The following PAK3 variants were observed in gnomAD, a reference collection of about 807,000 sequenced individuals.
PAK3 encodes p21 (RAC1) activated kinase 3.
PAK3 carries 4 observed loss-of-function variants against 41.0 expected under a neutral mutation model. That is an observed-to-expected ratio of 0.10 (90% CI 0.05 to 0.22). PAK3 has a LOEUF of 0.22. Among genes scored for constraint, PAK3 ranks in the 10% least tolerant of loss-of-function variants. PAK3 has a pLI of 1.00. For missense variants in PAK3, 205 were observed against 409.9 expected (o/e 0.50, Z 4.32); for synonymous variants, 146 against 139.6 (o/e 1.05, Z -0.32).
chrX:111,081,291 T>G (rs1032397437), intron 1 of PAK3, among the ~76,000 whole-genome samples: 1 of 111,322 alleles, frequency 9.0e-6, no homozygotes. Flanking sequence ...ATTCAAACTC[T>G]TGAGCTCAAG....
At chrX:111,146,308 T>G (rs1311017898) in intron 6 of PAK3, among the ~76,000 whole-genome samples, 1 of 111,590 alleles carries the variant, frequency 9.0e-6, no homozygotes, top group Non-Finnish European at 1.9e-5. Context: ...ATCCAAACTT[T>G]GAAGCATCGT....
At chrX:110,968,790 T>C (rs1477285483) in intron 1 of PAK3, among the ~76,000 whole-genome samples, 4 of 111,498 alleles carry the variant, frequency 3.6e-5, no homozygotes, top group Non-Finnish European at 7.5e-5. Context: ...TTTCTTTTCA[T>C]TCTGTTAACA....
intron 16 of PAK3, among the ~76,000 whole-genome samples, chrX:111,216,086 A>T (rs998162555): frequency 8.9e-6 from 1 of 112,301 alleles, no homozygotes; most frequent in East Asian, 2.8e-4. Context: ...CTTTAGAGAA[A>T]CAGATTTACA....
chrX:111,068,873 T>A (rs967299626), intron 1 of PAK3, among the ~76,000 whole-genome samples: 7 of 112,340 alleles, frequency 6.2e-5, no homozygotes, highest in Admixed American at 5.7e-4. Flanking sequence ...AGATATATAT[T>A]GCGTTGAGCT....
intron 1 of PAK3, among the ~76,000 whole-genome samples, chrX:111,070,002 C>T (rs1032892020): frequency 1.8e-5 from 2 of 111,510 alleles, no homozygotes; most frequent in Non-Finnish European, 3.8e-5. Context: ...CCAGATAGCC[C>T]TATGCATTGC....
chrX:111,036,982 T>A (rs1001691062), intron 1 of PAK3, among the ~76,000 whole-genome samples: 91 of 111,966 alleles, frequency 8.1e-4, no homozygotes, highest in African/African-American at 2.5e-3. Context: ...TCTCGCTCTG[T>A]CACCCAGGCA....
chrX:111,079,609 C>G (rs192664297), intron 1 of PAK3, among the ~76,000 whole-genome samples: 79 of 112,308 alleles, frequency 7.0e-4, no homozygotes, highest in Non-Finnish European at 2.1e-4. Context: ...CCTGCTAACA[C>G]AACATCTCTT....
chrX:111,110,744 A>G (rs1172780618), intron 4 of PAK3, among the ~76,000 whole-genome samples: 1 of 111,893 alleles, frequency 8.9e-6, no homozygotes, highest in Admixed American at 9.4e-5. Flanking sequence ...CTTAAAACAT[A>G]CGGAGACACT....
intron 1 of PAK3, among the ~76,000 whole-genome samples, chrX:110,946,072 G>A: frequency 9.0e-6 from 1 of 111,495 alleles, no homozygotes; most frequent in African/African-American, 3.3e-5. Flanking sequence ...TATGACAAGG[G>A]GCAGGCAGGG....
At chrX:111,211,553 G>A (rs757488032) in intron 16 of PAK3, among the ~76,000 whole-genome samples, 2 of 108,205 alleles carry the variant, frequency 1.8e-5, no homozygotes, top group Non-Finnish European at 3.8e-5. Context: ...GTGGGCGCCT[G>A]TAATCCCAGC....
At chrX:111,080,922 C>T (rs2092829366) in intron 1 of PAK3, among the ~76,000 whole-genome samples, 1 of 111,531 alleles carries the variant, frequency 9.0e-6, no homozygotes, top group African/African-American at 3.3e-5. Flanking sequence ...GTATTCCTGT[C>T]ATTTGTGACA....
intron 8 of PAK3, among the ~76,000 whole-genome samples, chrX:111,155,546 A>G (rs748300695): frequency 1.8e-5 from 2 of 110,280 alleles, no homozygotes; most frequent in South Asian, 7.9e-4. Context: ...TACATATCAT[A>G]AAATATGTTG....
intron 10 of PAK3, among the ~76,000 whole-genome samples, chrX:111,171,467 T>C (rs902995087): frequency 9.0e-6 from 1 of 111,294 alleles, no homozygotes; most frequent in African/African-American, 3.3e-5. Flanking sequence ...CTGGACCTAT[T>C]TGAACACTGC....
intron 10 of PAK3, among the ~76,000 whole-genome samples, chrX:111,164,409 G>GC (rs754122865): frequency 2.6e-3 from 284 of 109,730 alleles, no homozygotes; most frequent in Admixed American, 7.6e-3. Context: ...AGCAATAAGT[G>GC]CCCCCCCCAA....
intron 1 of PAK3, among the ~76,000 whole-genome samples, chrX:111,061,098 T>C (rs2092651873): frequency 8.9e-6 from 1 of 111,864 alleles, no homozygotes; most frequent in African/African-American, 3.2e-5. Flanking sequence ...TATTATATTC[T>C]AGATAAAAAT....
intron 1 of PAK3, among the ~76,000 whole-genome samples, chrX:111,068,194 AAAAACAGTCTCGT>A (rs2092715109): frequency 8.9e-6 from 1 of 111,739 alleles, no homozygotes; most frequent in Non-Finnish European, 1.9e-5. Flanking sequence ...TTTGACTCTT[AAAAACAGTCTCGT>A]TTTATGGATC....
In PAK3 at chrX:111,196,613, C is replaced by T; in HGVS notation, c.1380C>T (p.Pro460=). 8.3e-7 allele frequency: 1 copy of T among 1,198,432 alleles called. No individual in the cohort carries two copies. Among genetic ancestry groups the T allele is most frequent in the Non-Finnish European group, 1.1e-6 (1 of 883,935 alleles). The change falls in exon 16 of 18, where the codon CCC becomes CCT. Residue 460 remains proline (P), a synonymous_variant. Coordinates refer to ENST00000372007, the MANE Select transcript of PAK3 (RefSeq NM_002578.5). ...CAATTGAAATGGTGGAAGGTGAACC[C>T]CCTTACCTTAATGAAAATCCACTCA... ...IMAIEMVEGE[P]PYLNENPLRA...
At chrX:111,182,582 G>A (rs2094472337) in intron 11 of PAK3, among the ~76,000 whole-genome samples, 1 of 110,829 alleles carries the variant, frequency 9.0e-6, no homozygotes, top group South Asian at 3.8e-4. Context: ...CCAGAACTCT[G>A]TCTTTGGAAA....
At chrX:111,209,446 A>C (rs978286938) in intron 16 of PAK3, among the ~76,000 whole-genome samples, 1 of 112,545 alleles carries the variant, frequency 8.9e-6, no homozygotes, top group Non-Finnish European at 1.9e-5. Context: ...TTCCATGGAT[A>C]TAACATTTAT....
Sources: gnomAD v4.1 joint callset for allele counts (sites outside exome capture counted in the v4.1 genomes callset) on GRCh38, gnomAD v4.1.1 for gene constraint, MANE v1.5 for transcripts, NCBI Gene and HGNC (gene_info 2026-07-23, HGNC 2026-07-21) for gene names.